SLC8A3: variants seen among roughly 807,000 people sequenced by gnomAD.
SLC8A3 encodes the protein solute carrier family 8 member A3, also known as sodium/calcium exchanger 3.
A neutral mutation model predicts 65.4 loss-of-function variants in SLC8A3; 37 were observed. That is an observed-to-expected ratio of 0.57 (90% confidence interval 0.44 to 0.74). The LOEUF (loss-of-function observed/expected upper bound fraction) is 0.74. SLC8A3 is among the 30% of genes least tolerant of loss of function. SLC8A3 has a pLI of 0.00. For synonymous variants in SLC8A3, 461 were observed against 444.5 expected (o/e 1.04, Z -0.47); for missense variants, 1,112 against 1,172.1 (o/e 0.95, Z 0.75).
At chr14:70,115,787 A>G (rs1893612796) in intron 2 of SLC8A3, among the ~76,000 whole-genome samples, 1 of 152,172 alleles carries the variant, frequency 6.6e-6, no homozygotes, top group Admixed American at 6.5e-5. Context: ...ACCTGGGGCA[A>G]GTTACCAAAT....
chr14:70,121,553 T>C (rs1272234691), intron 2 of SLC8A3, among the ~76,000 whole-genome samples: 1 of 152,192 alleles, frequency 6.6e-6, no homozygotes, highest in Non-Finnish European at 1.5e-5. Flanking sequence ...ATTTAGCCTT[T>C]TTCAATTAGG....
chr14:70,141,995 C>CCAGAGCCCTGCCTTAGGGCTCCA (rs1440034537), intron 2 of SLC8A3, among the ~76,000 whole-genome samples: 21 of 152,196 alleles, frequency 1.4e-4, no homozygotes, highest in Non-Finnish European at 2.5e-4. Flanking sequence ...TCACCAGTGA[C>CCAGAGCCCTGCCTTAGGGCTCCA]CAGAGCCCTG....
intron 5 of SLC8A3, among the ~76,000 whole-genome samples, chr14:70,050,253 T>TAGC (rs369376146): frequency 3.4e-4 from 51 of 151,810 alleles, no homozygotes; most frequent in Non-Finnish European, 5.0e-4. Flanking sequence ...AAAAGTGGGG[T>TAGC]AGCAGCAGCA....
chr14:70,146,076 C>T (rs1895909032), intron 2 of SLC8A3, among the ~76,000 whole-genome samples: 1 of 152,134 alleles, frequency 6.6e-6, no homozygotes, highest in Non-Finnish European at 1.5e-5. Context: ...CAAAGTGCTG[C>T]CAGCCAGGGC....
Position 70,046,454 on chromosome 14 carries a change from CACTCCTA to C in SLC8A3, c.2390-138_2390-132del, listed in dbSNP as rs1886809370. 2 of 877,170 alleles carry C rather than the reference CACTCCTA, an allele frequency of 2.3e-6. No individual in the cohort carries two copies. Among genetic ancestry groups the C allele is most frequent in the Non-Finnish European group, 3.4e-6 (2 of 585,668 alleles). The allele number at this position is 877,170 out of a possible 1,614,324, so 54.3% of individuals were successfully genotyped here. On this transcript the variant is annotated intron_variant, in intron 6 of 6. Transcript: ENST00000356921. The surrounding 1 kb of genome is among the most constrained non-coding windows in gnomAD (Gnocchi z 4.2). ...GAATGAGAGACAAGGGCTAGGGGGC[CACTCCTA>C]ACTCCTAGTTCTGCCGCAAGCAAGC...
rs1461929383 is a variant in SLC8A3 at position 70,174,656 on chromosome 14, TTTTTTG to T, written c.-62-6178_-62-6173del. Among the ~76,000 whole-genome samples the T allele has an allele frequency of 4.4e-4, 23 of 51,848 alleles. 1 individual carries two copies. The highest frequency in any genetic ancestry group is 1.5e-3 in the African/African-American group (20 of 13,504). The allele number at this position is 51,848 out of a possible 152,430, so 34.0% of individuals were successfully genotyped here. A position where few individuals can be genotyped will look rare whatever the true frequency, so the allele number is the denominator to read the frequency against. On this transcript the variant is annotated intron_variant, in intron 1 of 6. Transcript: ENST00000356921. Reference sequence around the variant, plus strand: ...AAGCCCCTTGGACCAAATCCGTTTTTTTTTTGTTTTTTTTTTTTTTTTTTTTTTTTT... The same window carrying T: ...AAGCCCCTTGGACCAAATCCGTTTTTTTTTTTTTTTTTTTTTTTTTTTTTT...
chr14:70,067,267 C>T (rs1266829919), intron 2 of SLC8A3, among the ~76,000 whole-genome samples: 1 of 152,224 alleles, frequency 6.6e-6, no homozygotes, highest in East Asian at 1.9e-4. Context: ...CCTTCCATGG[C>T]TACCTTATCT....
rs562139323 is a variant in SLC8A3 at position 70,148,414 on chromosome 14, T to C, written c.1784+18225A>G. Among the ~76,000 whole-genome samples the C allele has an allele frequency of 1.4e-4, 22 of 152,276 alleles. No homozygotes were observed. The East Asian group carries it at 3.3e-3, about 23-fold the overall frequency. On this transcript the variant is annotated intron_variant, in intron 2 of 6. Coordinates refer to ENST00000356921, the MANE Select transcript of SLC8A3 (RefSeq NM_182932.3). ...CTTGTTTAGTTGGCATGGGAGAGGG[T>C]TGGCAGAAGAGGGTACTTTTTTCTT...
At chr14:70,112,680 A>G (rs1893390133) in intron 2 of SLC8A3, among the ~76,000 whole-genome samples, 1 of 152,210 alleles carries the variant, frequency 6.6e-6, no homozygotes, top group Non-Finnish European at 1.5e-5. Flanking sequence ...GAAACAATAT[A>G]CATTTATTGT....
At chr14:70,096,819 TG>T (rs1271000496) in intron 2 of SLC8A3, among the ~76,000 whole-genome samples, 5 of 152,202 alleles carry the variant, frequency 3.3e-5, no homozygotes, top group South Asian at 2.1e-4. Flanking sequence ...TTTTCCACTT[TG>T]GTCTTTTGCG....
At chr14:70,089,523 C>G (rs1452730795) in intron 2 of SLC8A3, among the ~76,000 whole-genome samples, 1 of 152,078 alleles carries the variant, frequency 6.6e-6, no homozygotes, top group Non-Finnish European at 1.5e-5. Flanking sequence ...GAGCAATGGG[C>G]AGAGGAAGAA....
intron 2 of SLC8A3, chr14:70,080,212 A>C (rs1036141161): frequency 1.0e-6 from 1 of 985,176 alleles, no homozygotes; most frequent in South Asian, 4.7e-5. Context: ...TACTCAGACT[A>C]TATTTAGATG....
chr14:70,125,300 T>C (rs1164007263), intron 2 of SLC8A3, among the ~76,000 whole-genome samples: 1 of 152,188 alleles, frequency 6.6e-6, no homozygotes, highest in African/African-American at 2.4e-5. Flanking sequence ...ACTCATTAAG[T>C]AATTTTTCAT....
chr14:70,129,464 A>T (rs1456561164), intron 2 of SLC8A3, among the ~76,000 whole-genome samples: 1 of 152,224 alleles, frequency 6.6e-6, no homozygotes, highest in African/African-American at 2.4e-5. Context: ...TAGGGGTGTC[A>T]TTATTATTAT....
At chr14:70,051,156 C>A (rs1325325709) in intron 4 of SLC8A3, 49 bp from the exon 5 acceptor site, 1 of 1,258,076 alleles carries the variant, frequency 7.9e-7, no homozygotes, top group Non-Finnish European at 1.2e-6. Flanking sequence ...ATGCTCAGAA[C>A]CAATGAGGAG....
chr14:70,114,459 G>A (rs1185950376), intron 2 of SLC8A3, among the ~76,000 whole-genome samples: 2 of 152,120 alleles, frequency 1.3e-5, no homozygotes, highest in African/African-American at 4.8e-5. Flanking sequence ...GCTGCAAGAA[G>A]GTGAACCCAG....
chr14:70,069,618 CTT>C (rs1232135089), intron 2 of SLC8A3, among the ~76,000 whole-genome samples: 1 of 152,152 alleles, frequency 6.6e-6, no homozygotes, highest in Non-Finnish European at 1.5e-5. Context: ...TGCCCCATCT[CTT>C]CCCCTGCCAG....
chr14:70,049,770 C>A (rs557826465), intron 5 of SLC8A3, among the ~76,000 whole-genome samples: 1 of 152,328 alleles, frequency 6.6e-6, no homozygotes, highest in South Asian at 2.1e-4. Flanking sequence ...CTGCAATAAC[C>A]ATTGTGGTTC....
chr14:70,060,707 AAGG>A (rs758115456), intron 3 of SLC8A3, 126 bp downstream of exon 3: 4 of 766,214 alleles, frequency 5.2e-6, no homozygotes, highest in South Asian at 2.7e-5. Flanking sequence ...CAAAAAGAGA[AAGG>A]AGGAGAAGGG....
Sources: allele counts gnomAD v4.1 joint callset (sites outside exome capture counted in the v4.1 genomes callset), GRCh38; gene constraint gnomAD v4.1.1; non-coding constraint Gnocchi (gnomAD v3.1); transcripts MANE v1.5; gene names NCBI Gene and HGNC (gene_info 2026-07-23, HGNC 2026-07-21).